The following PDE7B variants were observed in gnomAD, a reference collection of about 807,000 sequenced individuals.
PDE7B encodes phosphodiesterase 7B, also known as 3',5'-cyclic-AMP phosphodiesterase 7B.
PDE7B carries 29 observed loss-of-function variants against 56.2 expected under a neutral mutation model. The observed-to-expected ratio is 0.52, with a 90% CI of 0.38 to 0.70. PDE7B has a LOEUF of 0.70. PDE7B is among the 30% of genes least tolerant of loss of function. PDE7B has a pLI of 0.00. For missense variants in PDE7B, 490 were observed against 565.0 expected, an observed-to-expected ratio of 0.87 and a Z score of 1.35; for synonymous variants, 197 against 196.9, an observed-to-expected ratio of 1.00 and a Z score of 0.00.
At chr6:136,063,851 C>T (rs1776887199) in intron 2 of PDE7B, among the ~76,000 whole-genome samples, 1 of 152,176 alleles carries the variant, frequency 6.6e-6, no homozygotes, top group Admixed American at 6.5e-5. Flanking sequence ...AGAATCAGCC[C>T]TACCCCGTCA....
chr6:135,955,770 G>C (rs1464711708), intron 2 of PDE7B, among the ~76,000 whole-genome samples: 1 of 152,096 alleles, frequency 6.6e-6, no homozygotes, highest in Non-Finnish European at 1.5e-5. Context: ...AGAACAGAAG[G>C]TGCAAAATAC....
intron 7 of PDE7B, 89 bp from the exon 8 acceptor site, chr6:136,155,538 A>G: frequency 9.3e-7 from 1 of 1,072,628 alleles, no homozygotes; most frequent in East Asian, 2.4e-5. Flanking sequence ...CAATGCCATG[A>G]TGATTCATTG....
At chr6:136,000,920 C>A (rs920703677) in intron 2 of PDE7B, among the ~76,000 whole-genome samples, 2 of 152,152 alleles carry the variant, frequency 1.3e-5, no homozygotes, top group Non-Finnish European at 2.9e-5. Flanking sequence ...GACCCCTGAC[C>A]CCTGAGCAGC....
intron 7 of PDE7B, 33 bp from the exon 8 acceptor site, chr6:136,155,594 A>G: frequency 6.3e-7 from 1 of 1,578,618 alleles, no homozygotes; most frequent in Non-Finnish European, 8.6e-7. Context: ...GTGAAAATAC[A>G]CCAATCAATC....
chr6:136,073,512 C>CCCCT (rs1777082343), intron 2 of PDE7B, among the ~76,000 whole-genome samples: 1 of 152,130 alleles, frequency 6.6e-6, no homozygotes, highest in Non-Finnish European at 1.5e-5. Context: ...TGAGGCCTCT[C>CCCCT]CCCTCGGCTT....
intron 2 of PDE7B, among the ~76,000 whole-genome samples, chr6:136,071,960 T>C (rs1777056119): frequency 6.6e-6 from 1 of 152,228 alleles, no homozygotes; most frequent in Non-Finnish European, 1.5e-5. Context: ...TCTAAAAATA[T>C]TTATTAAGCA....
At chr6:135,933,755 G>T (rs1214162348) in intron 1 of PDE7B, among the ~76,000 whole-genome samples, 1 of 152,080 alleles carries the variant, frequency 6.6e-6, no homozygotes, top group African/African-American at 2.4e-5. Context: ...AGTTTCACAG[G>T]CAGATTTACT....
intron 3 of PDE7B, among the ~76,000 whole-genome samples, chr6:136,119,110 G>T (rs1287629680): frequency 1.3e-5 from 2 of 152,294 alleles, no homozygotes; most frequent in South Asian, 2.1e-4. Context: ...ATTTGTAGCT[G>T]CCACCAGTTG....
At chr6:136,133,331 C>G (rs1243199817) in intron 3 of PDE7B, among the ~76,000 whole-genome samples, 1 of 151,178 alleles carries the variant, frequency 6.6e-6, no homozygotes, top group Non-Finnish European at 1.5e-5. Context: ...AAGTTTCTAT[C>G]TAGGCCTCTA....
Position 136,167,037 on chromosome 6 carries a change from CT to C in PDE7B, c.712-6757del, listed in dbSNP as rs147221935. Reference sequence around the variant, plus strand: ...CAGCTGTTAGCTCCTCCCTTGAGGCCTTTGCTCCAGCTGTTCTCTTTAGAAT... The same window carrying C: ...CAGCTGTTAGCTCCTCCCTTGAGGCCTTGCTCCAGCTGTTCTCTTTAGAAT... On this transcript the variant is annotated intron_variant, in intron 8 of 12. Transcript: ENST00000308191. 7.2e-3 allele frequency among the ~76,000 whole-genome samples: 1,090 copies of C among 152,238 alleles called. 8 individuals carry two copies. The highest frequency in any genetic ancestry group is 0.061 in the Middle Eastern group (18 of 294).
At chr6:135,875,797 A>AT (rs1162105495) in intron 1 of PDE7B, among the ~76,000 whole-genome samples, 17 of 152,208 alleles carry the variant, frequency 1.1e-4, no homozygotes, top group Admixed American at 6.5e-4. Flanking sequence ...GGTTTTCGTT[A>AT]TTTTTTCTGA....
intron 5 of PDE7B, 116 bp from the exon 6 acceptor site, chr6:136,151,044 G>GA: frequency 1.7e-6 from 1 of 573,710 alleles, no homozygotes. Context: ...CACTTCTAAA[G>GA]GGGAAAAAAT....
chr6:135,992,981 C>T (rs1009526703), intron 2 of PDE7B: 1 of 152,218 alleles, frequency 6.6e-6, no homozygotes, highest in South Asian at 2.1e-4. Context: ...AATTCAGTGA[C>T]TTGCCCAATG....
intron 1 of PDE7B, 118 bp from the exon 2 acceptor site, chr6:135,947,346 G>A: frequency 1.3e-6 from 1 of 781,216 alleles, no homozygotes; most frequent in South Asian, 1.5e-5. Context: ...CTAGACTCAG[G>A]TAACCAATGA....
intron 1 of PDE7B, among the ~76,000 whole-genome samples, chr6:135,867,099 C>G (rs547075872): frequency 6.6e-6 from 1 of 152,128 alleles, no homozygotes; most frequent in Non-Finnish European, 1.5e-5. Flanking sequence ...AGTCCTTAGC[C>G]TAGAGTCCAA....
chr6:136,187,271 A>T (rs1447026547), intron 12 of PDE7B, among the ~76,000 whole-genome samples, 155 bp downstream of exon 12: 1 of 152,276 alleles, frequency 6.6e-6, no homozygotes, highest in Non-Finnish European at 1.5e-5. Flanking sequence ...TACTTTAATC[A>T]TGACTAATCT....
At chr6:136,068,557 A>C (rs943574441) in intron 2 of PDE7B, among the ~76,000 whole-genome samples, 19 of 150,920 alleles carry the variant, frequency 1.3e-4, no homozygotes, top group Non-Finnish European at 2.5e-4. Flanking sequence ...CAGCCTCAAG[A>C]GTAGCTGGGA....
chr6:135,965,335 C>T (rs1774979452), intron 2 of PDE7B, among the ~76,000 whole-genome samples: 1 of 152,066 alleles, frequency 6.6e-6, no homozygotes, highest in Non-Finnish European at 1.5e-5. Context: ...GGATCTGCAG[C>T]AACTGTCCTA....
chr6:135,880,955 CT>C (rs1476966480), intron 1 of PDE7B, among the ~76,000 whole-genome samples: 6 of 152,126 alleles, frequency 3.9e-5, no homozygotes, highest in Admixed American at 3.9e-4. Context: ...AGAGAAAACT[CT>C]TTTTCTTTTC....
Sources: gnomAD v4.1 joint callset for allele counts (sites outside exome capture counted in the v4.1 genomes callset) on GRCh38, gnomAD v4.1.1 for gene constraint, MANE v1.5 for transcripts, NCBI Gene and HGNC (gene_info 2026-07-23, HGNC 2026-07-21) for gene names.